The following LIFR variants were observed in gnomAD, a reference collection of about 807,000 sequenced individuals.
The protein encoded by LIFR is leukemia inhibitory factor receptor.
A neutral mutation model predicts 122.2 loss-of-function variants in LIFR; 84 were observed. The observed-to-expected ratio is 0.69, with a 90% confidence interval of 0.58 to 0.82. The LOEUF (loss-of-function observed/expected upper bound fraction) is 0.82, where lower values mean the gene tolerates loss of function less well. Among genes scored for constraint, LIFR ranks in the 40% least tolerant of loss-of-function variants. LIFR has a pLI of 0.00. For missense variants in LIFR, 1,294 were observed against 1,311.6 expected, an observed-to-expected ratio of 0.99 and a Z score of 0.21; for synonymous variants, 422 against 434.7, an observed-to-expected ratio of 0.97 and a Z score of 0.36.
intron 8 of LIFR, 48 bp from the exon 9 acceptor site, chr5:38,506,122 T>C: frequency 3.0e-6 from 4 of 1,347,642 alleles, no homozygotes; most frequent in Non-Finnish European, 4.2e-6. Context: ...AGATAAATAT[T>C]GCAGGAAAAA....
chr5:38,564,698 GTATATATATACACACAATA>G (rs1417624532), intron 1 of LIFR, among the ~76,000 whole-genome samples: 1 of 142,018 alleles, frequency 7.0e-6, no homozygotes, highest in Non-Finnish European at 1.5e-5. Context: ...ATATGCATAT[GTATATATATACACACAATA>G]TATATATACA....
chr5:38,507,904 G>A lies in LIFR; in HGVS notation c.992-1272C>T, dbSNP rs187942535. ...GGTAACATTAAGAGGATTAATGAGT[G>A]TTTATATGAGAGTTTAACAATTAGA... On this transcript the variant is annotated intron_variant, in intron 7 of 19. Transcript: ENST00000453190. 7.3e-4 allele frequency among the ~76,000 whole-genome samples: 111 copies of A among 152,164 alleles called. 2 individuals are homozygous for A. In the South Asian group the frequency reaches 0.019, roughly 26 times the overall value.
chr5:38,550,594 T>C (rs1162515782), intron 1 of LIFR, among the ~76,000 whole-genome samples: 1 of 152,254 alleles, frequency 6.6e-6, no homozygotes, highest in Non-Finnish European at 1.5e-5. Flanking sequence ...TACTGTCTTA[T>C]AGCTAACATG....
chr5:38,527,705 T>G (rs1386763795), intron 3 of LIFR, among the ~76,000 whole-genome samples: 1 of 152,162 alleles, frequency 6.6e-6, no homozygotes, highest in Non-Finnish European at 1.5e-5. Context: ...GCAACTCCCC[T>G]GCTCCTCTGC....
At chr5:38,566,655 T>G (rs61117522) in intron 1 of LIFR, among the ~76,000 whole-genome samples, 2,944 of 152,244 alleles carry the variant, frequency 0.019, 95 homozygotes, top group African/African-American at 0.066. Flanking sequence ...GATCCTCAAT[T>G]ATAACATAAT....
intron 6 of LIFR, among the ~76,000 whole-genome samples, chr5:38,511,087 C>T (rs899948523): frequency 1.3e-5 from 2 of 152,114 alleles, no homozygotes; most frequent in Admixed American, 6.6e-5. Flanking sequence ...ACAATCCACA[C>T]CCCCCAAAAA....
At chr5:38,521,343 G>A (rs141387586) in intron 5 of LIFR, among the ~76,000 whole-genome samples, 3 of 152,128 alleles carry the variant, frequency 2.0e-5, no homozygotes, top group African/African-American at 4.8e-5. Context: ...CACTTTTCTA[G>A]ATACAAGATT....
intron 1 of LIFR, among the ~76,000 whole-genome samples, chr5:38,565,368 T>C (rs1188829079): frequency 6.6e-6 from 1 of 152,114 alleles, no homozygotes; most frequent in Non-Finnish European, 1.5e-5. Flanking sequence ...GCATAGCTAT[T>C]GCCTAACTAA....
intron 2 of LIFR, among the ~76,000 whole-genome samples, chr5:38,600,949 A>G (rs1750211343): frequency 6.6e-6 from 1 of 152,218 alleles, no homozygotes; most frequent in Non-Finnish European, 1.5e-5. Context: ...CTGGTAAACT[A>G]CACAAGGACA....
chr5:38,527,070 G>T, intron 4 of LIFR, 85 bp downstream of exon 4: 1 of 1,249,696 alleles, frequency 8.0e-7, no homozygotes, highest in Non-Finnish European at 1.1e-6. Context: ...CATAACACAT[G>T]AAATTCAAAA....
chr5:38,595,802 G>A (rs1426971359), upstream of LIFR, among the ~76,000 whole-genome samples: 2 of 142,194 alleles, frequency 1.4e-5, no homozygotes, highest in Non-Finnish European at 3.0e-5. Flanking sequence ...GCTCGATCTC[G>A]GCTCACTGCA....
intron 1 of LIFR, among the ~76,000 whole-genome samples, chr5:38,576,808 G>A (rs553720708): frequency 9.9e-5 from 15 of 152,192 alleles, no homozygotes; most frequent in Non-Finnish European, 1.6e-4. Flanking sequence ...TTTTCTTCAT[G>A]CCTGTTATAG....
Position 38,479,130 on chromosome 5 carries a change from G to C in LIFR, c.*2465C>G, listed in dbSNP as rs1336046365. ...TTACTCTCCCTACACACACAGGTTGGGGGGAGTAGAGGTAATATCCTGGGA... is the reference window on the plus strand; with the variant it reads ...TTACTCTCCCTACACACACAGGTTGCGGGGAGTAGAGGTAATATCCTGGGA... On this transcript the variant is annotated 3_prime_UTR_variant, in exon 20 of 20. Transcript: ENST00000453190. The C allele has an allele frequency of 3.5e-5, 7 of 198,172 alleles. No individual in the cohort carries two copies. The highest frequency in any genetic ancestry group is 7.0e-5 in the Admixed American group (1 of 14,224). The allele number at this position is 198,172 out of a possible 1,614,324, so 12.3% of individuals were successfully genotyped here. A position where few individuals can be genotyped will look rare whatever the true frequency, so the allele number is the denominator to read the frequency against.
chr5:38,503,988 T>A lies in LIFR; in HGVS notation c.1425A>T (p.Ser475=), dbSNP rs1198546720. 6.4e-7 allele frequency: 1 copy of A among 1,574,704 alleles called. No homozygotes were observed. The highest frequency in any genetic ancestry group is 1.7e-5 in the Admixed American group (1 of 59,906). The change falls in exon 10 of 20, where the codon TCA becomes TCT. Residue 475 remains serine, a synonymous_variant. Transcript: ENST00000453190. The part of the protein sequence containing the change: ...LCEIEIKKSN[S]VQEQRNVTIK... ...AAGAGAATCTTACCTGCTCTTGTAC[T>A]GAATTAGATTTCTTAATTTCAATTT...
chr5:38,506,111 G>C, intron 8 of LIFR, 37 bp from the exon 9 acceptor site: 1 of 1,419,004 alleles, frequency 7.0e-7, no homozygotes, highest in South Asian at 1.2e-5. Context: ...AAAATGGCAA[G>C]AGATAAATAT....
chr5:38,482,336 T>TACTTTCGGATATTTCCGAAAATATC, intron 19 of LIFR, 118 bp from the exon 20 acceptor site: 1 of 957,486 alleles, frequency 1.0e-6, no homozygotes, highest in African/African-American at 1.7e-5. Flanking sequence ...TCTCTACTAC[T>TACTTTCGGATATTTCCGAAAATATC]CTGTATTTCA....
At chr5:38,487,654 A>G (rs1176418771) in intron 16 of LIFR, among the ~76,000 whole-genome samples, 1 of 152,170 alleles carries the variant, frequency 6.6e-6, no homozygotes, top group Non-Finnish European at 1.5e-5. Flanking sequence ...TCTCTTTCTT[A>G]AAGTATCTTA....
chr5:38,550,261 A>T, intron 1 of LIFR: 3 of 970,694 alleles, frequency 3.1e-6, no homozygotes, highest in Non-Finnish European at 3.7e-6. Flanking sequence ...ATGGCCATAA[A>T]TTTTTAAAAT....
At chr5:38,482,468 A>T in intron 19 of LIFR, 121 bp downstream of exon 19, 2 of 663,498 alleles carry the variant, frequency 3.0e-6, no homozygotes, top group Non-Finnish European at 5.2e-6. Context: ...GATGTTTTAA[A>T]GTATATAATT....
Sources: gnomAD v4.1 joint callset for allele counts (sites outside exome capture counted in the v4.1 genomes callset) on GRCh38, gnomAD v4.1.1 for gene constraint, MANE v1.5 for transcripts, NCBI Gene and HGNC (gene_info 2026-07-23, HGNC 2026-07-21) for gene names.